Variants in PPIP5K2 observed in about 807,000 individuals in gnomAD.
The protein encoded by PPIP5K2 is inositol hexakisphosphate and diphosphoinositol-pentakisphosphate kinase 2.
In PPIP5K2, 105 loss-of-function variants were observed where a neutral mutation model predicts 154.6. That is an observed-to-expected ratio of 0.68 (90% CI 0.58 to 0.80). PPIP5K2 has a LOEUF of 0.80. Among genes scored for constraint, PPIP5K2 ranks in the 30% least tolerant of loss-of-function variants. The pLI, the probability that PPIP5K2 is intolerant of heterozygous loss-of-function variation, is 0.00. For missense variants in PPIP5K2, 992 were observed against 1,504.6 expected (o/e 0.66, Z 5.64); for synonymous variants, 480 against 490.3 (o/e 0.98, Z 0.28).
At chr5:103,185,943 T>C (rs950387698) in intron 26 of PPIP5K2, among the ~76,000 whole-genome samples, 1 of 151,776 alleles carries the variant, frequency 6.6e-6, no homozygotes. Flanking sequence ...TTTTTTTTTT[T>C]CTTTAAATAT....
chr5:103,142,242 G>C (rs988177760), intron 5 of PPIP5K2, among the ~76,000 whole-genome samples: 1 of 152,148 alleles, frequency 6.6e-6, no homozygotes, highest in African/African-American at 2.4e-5. Context: ...GCACTGCCGG[G>C]GGACCCAGTA....
chr5:103,209,870 G>C lies in PPIP5K2; in HGVS notation c.*8236G>C, dbSNP rs1290704100. Reference sequence around the variant, plus strand: ...ACAAAAAGCAGCATCGCTGATGTGTGGGGAATAAATTGGAAGTCATATCAT... The same window carrying C: ...ACAAAAAGCAGCATCGCTGATGTGTCGGGAATAAATTGGAAGTCATATCAT... On this transcript the variant is annotated 3_prime_UTR_variant, in exon 31 of 31. Coordinates refer to ENST00000358359, the MANE Select transcript of PPIP5K2 (RefSeq NM_001276277.3). 2 of 152,112 alleles carry C rather than the reference G, an allele frequency of 1.3e-5. No homozygotes were observed. The highest frequency in any genetic ancestry group is 2.9e-5 in the Non-Finnish European group (2 of 67,996). The allele number at this position is 152,112 out of a possible 1,614,324, so 9.4% of individuals were successfully genotyped here.
At chr5:103,147,902 T>G (rs1554209732) in intron 6 of PPIP5K2, 29 bp from the exon 7 acceptor site, 1 of 1,423,694 alleles carries the variant, frequency 7.0e-7, no homozygotes, top group African/African-American at 1.4e-5. Context: ...ATTTGCTTTT[T>G]TATATCGATG....
At chr5:103,171,386 T>C (rs976711036) in intron 19 of PPIP5K2, among the ~76,000 whole-genome samples, 2 of 151,570 alleles carry the variant, frequency 1.3e-5, no homozygotes, top group South Asian at 4.1e-4. Context: ...GATTATGAAA[T>C]GCAGACAGTT....
At chr5:103,124,770 C>G (rs1224795113) in intron 1 of PPIP5K2, among the ~76,000 whole-genome samples, 1 of 152,116 alleles carries the variant, frequency 6.6e-6, no homozygotes, top group Non-Finnish European at 1.5e-5. Context: ...GGTATAACAG[C>G]TGCCTTAAAG....
chr5:103,127,035 A>G (rs191717749), intron 1 of PPIP5K2, among the ~76,000 whole-genome samples: 2 of 152,254 alleles, frequency 1.3e-5, no homozygotes, highest in East Asian at 3.9e-4. Context: ...TTATTAACTG[A>G]TTCTTTAAAT....
intron 30 of PPIP5K2, among the ~76,000 whole-genome samples, chr5:103,199,116 C>T (rs1440945873): frequency 6.6e-6 from 1 of 152,020 alleles, no homozygotes; most frequent in Non-Finnish European, 1.5e-5. Context: ...GTGTTACTTC[C>T]ACATATATTA....
At chr5:103,173,378 G>T in intron 20 of PPIP5K2, 96 bp downstream of exon 20, 3 of 1,328,696 alleles carry the variant, frequency 2.3e-6, no homozygotes, top group Non-Finnish European at 2.1e-6. Context: ...AGTCAGAAGT[G>T]TGTCATTGGC....
intron 1 of PPIP5K2, among the ~76,000 whole-genome samples, chr5:103,123,439 C>A (rs1789120129): frequency 6.6e-6 from 1 of 152,316 alleles, no homozygotes; most frequent in Admixed American, 6.5e-5. Flanking sequence ...GCCCCACCCC[C>A]AGAGTTTTGA....
intron 30 of PPIP5K2, among the ~76,000 whole-genome samples, chr5:103,199,755 CCTTTTATTTCAGAT>C (rs1362267601): frequency 1.3e-5 from 2 of 151,902 alleles, no homozygotes; most frequent in African/African-American, 2.4e-5. Context: ...TTATTTCAGA[CCTTTTATTTCAGAT>C]ATTTATTCTT....
chr5:103,191,684 A>T (rs1007063156), intron 29 of PPIP5K2, among the ~76,000 whole-genome samples: 1 of 152,092 alleles, frequency 6.6e-6, no homozygotes, highest in South Asian at 2.1e-4. Flanking sequence ...ATGTGGCTCT[A>T]TTCTGAGGGA....
intron 2 of PPIP5K2, among the ~76,000 whole-genome samples, chr5:103,131,412 A>G (rs944325703): frequency 6.6e-6 from 1 of 152,176 alleles, no homozygotes; most frequent in Non-Finnish European, 1.5e-5. Context: ...TATAGTCTGT[A>G]TATGTTCAGT....
intron 23 of PPIP5K2, among the ~76,000 whole-genome samples, chr5:103,179,274 A>G (rs1368605567): frequency 1.3e-5 from 2 of 151,956 alleles, no homozygotes; most frequent in South Asian, 4.1e-4. Flanking sequence ...TTTGGCCAAT[A>G]TTATGTTTAT....
At chr5:103,200,440 G>C (rs926152704) in intron 30 of PPIP5K2, among the ~76,000 whole-genome samples, 1 of 151,056 alleles carries the variant, frequency 6.6e-6, no homozygotes, top group South Asian at 2.1e-4. Flanking sequence ...TTCTTATCTA[G>C]TAACGGCCTG....
intron 29 of PPIP5K2, among the ~76,000 whole-genome samples, chr5:103,191,308 A>G (rs1317050386): frequency 1.3e-5 from 2 of 152,052 alleles, no homozygotes; most frequent in Non-Finnish European, 1.5e-5. Context: ...ATATCATTTT[A>G]TAGCAAAGTT....
chr5:103,125,384 A>T (rs1462325301), intron 1 of PPIP5K2, among the ~76,000 whole-genome samples: 2 of 152,078 alleles, frequency 1.3e-5, no homozygotes, highest in East Asian at 3.9e-4. Context: ...AGATCAGCTA[A>T]TTGGAGTCAG....
At chr5:103,127,289 T>C (rs1161978509) in intron 1 of PPIP5K2, among the ~76,000 whole-genome samples, 3 of 152,230 alleles carry the variant, frequency 2.0e-5, no homozygotes, top group African/African-American at 7.2e-5. Context: ...TGGCATTTCC[T>C]ATCATTGCCA....
intron 28 of PPIP5K2, chr5:103,188,866 T>TA (rs1166163418): frequency 3.8e-6 from 1 of 262,266 alleles, no homozygotes; most frequent in Non-Finnish European, 7.1e-6. Flanking sequence ...GGCTCTTTTT[T>TA]AAAAATGTGG....
chr5:103,182,501 A>G (rs1237751411), intron 24 of PPIP5K2, among the ~76,000 whole-genome samples: 2 of 152,208 alleles, frequency 1.3e-5, no homozygotes, highest in African/African-American at 4.8e-5. Flanking sequence ...TTGTACTTCC[A>G]AAAGACACAC....
Sources: allele counts gnomAD v4.1 joint callset (sites outside exome capture counted in the v4.1 genomes callset), GRCh38; gene constraint gnomAD v4.1.1; transcripts MANE v1.5; gene names NCBI Gene and HGNC (gene_info 2026-07-23, HGNC 2026-07-21).